KCNQ3: variants seen among roughly 807,000 people sequenced by gnomAD.
KCNQ3 encodes potassium voltage-gated channel subfamily KQT member 3.
Under a neutral mutation model 92.5 loss-of-function variants are expected in KCNQ3, and 30 were observed. The ratio of observed to expected loss-of-function variants is 0.32; its 90% CI spans 0.24 to 0.44. The LOEUF (loss-of-function observed/expected upper bound fraction) is 0.44. Ranked by LOEUF, KCNQ3 falls within the 20% of genes least tolerant of loss-of-function variation. The pLI is 1.00. For synonymous variants in KCNQ3, 450 were observed against 468.8 expected (o/e 0.96, Z 0.52); for missense variants, 913 against 1,140.3 (o/e 0.80, Z 2.87).
intron 1 of KCNQ3, among the ~76,000 whole-genome samples, chr8:132,191,250 G>T (rs1392432580): frequency 6.6e-6 from 1 of 152,110 alleles, no homozygotes; most frequent in Non-Finnish European, 1.5e-5. Flanking sequence ...GGGCTCAAGT[G>T]ATCCTCCCAT....
At chr8:132,471,926 A>T (rs1045394445) in intron 1 of KCNQ3, among the ~76,000 whole-genome samples, 2 of 152,138 alleles carry the variant, frequency 1.3e-5, no homozygotes, top group Non-Finnish European at 2.9e-5. Flanking sequence ...AAAAACAAAT[A>T]ATCCCATTAC....
chr8:132,433,159 G>A (rs1439832034), intron 1 of KCNQ3, among the ~76,000 whole-genome samples: 1 of 152,160 alleles, frequency 6.6e-6, no homozygotes, highest in East Asian at 1.9e-4. Flanking sequence ...TTTATTGTGA[G>A]TGTCTGGATT....
chr8:132,323,219 A>G (rs1817946022), intron 1 of KCNQ3, among the ~76,000 whole-genome samples: 1 of 152,178 alleles, frequency 6.6e-6, no homozygotes, highest in Non-Finnish European at 1.5e-5. Flanking sequence ...TGATCACTTA[A>G]AGATGAGCAG....
chr8:132,129,632 A>G lies in KCNQ3; in HGVS notation c.2249T>C (p.Ile750Thr). 1.9e-6 allele frequency: 3 copies of G among 1,614,152 alleles called. No homozygotes were observed. Among genetic ancestry groups the G allele is most frequent in the Non-Finnish European group, 2.5e-6 (3 of 1,180,030 alleles). ...TYVERPTVLP[I>T]LTLLDSRVSC... ...CACTCGGGAGTCGAGAAGAGTCAAG[A>G]TAGGCAGGACCGTGGGCCTCTCCAC... The change falls in exon 15 of 15, where the codon ATC becomes ACC. Residue 750 changes from isoleucine to threonine, a missense_variant. By Grantham distance (89) the Ile-to-Thr change is moderately conservative. Around this residue, in one of 6 missense-constraint regions of KCNQ3, gnomAD observed 375 missense variants for 376.4 expected, o/e 1.00. Coordinates refer to ENST00000388996, the MANE Select transcript of KCNQ3 (RefSeq NM_004519.4). This position sits in a 1 kb window ranked among gnomAD's most constrained non-coding sequence, Gnocchi z 5.9.
chr8:132,469,093 C>A (rs759305463), intron 1 of KCNQ3, among the ~76,000 whole-genome samples: 4 of 152,222 alleles, frequency 2.6e-5, no homozygotes, highest in Non-Finnish European at 5.9e-5. Context: ...CTTCAATTTT[C>A]TTATCTCCAA....
rs912343669 is a variant in KCNQ3, at chr8:132,127,126, C to G, written c.*2136G>C. 7 of 152,208 alleles carry G rather than the reference C, an allele frequency of 4.6e-5. No individual in the cohort carries two copies. The highest frequency in any genetic ancestry group is 1.7e-4 in the African/African-American group (7 of 41,446). The allele number at this position is 152,208 out of a possible 1,614,324, so 9.4% of individuals were successfully genotyped here. A position where few individuals can be genotyped will look rare whatever the true frequency, so the allele number is the denominator to read the frequency against. ...TTTCTTAGGTTGTAATCCCCACTGG[C>G]ACTTTCAGCCATATTGAAGGAGTGG... On this transcript the variant is annotated 3_prime_UTR_variant, in exon 15 of 15. Transcript: ENST00000388996.
At chr8:132,251,353 G>A (rs1332588627) in intron 1 of KCNQ3, among the ~76,000 whole-genome samples, 1 of 152,198 alleles carries the variant, frequency 6.6e-6, no homozygotes, top group Non-Finnish European at 1.5e-5. Context: ...ATGAAGGTCT[G>A]GATCAGGAAA....
chr8:132,157,185 G>A (rs1825822934), intron 9 of KCNQ3, among the ~76,000 whole-genome samples: 1 of 152,176 alleles, frequency 6.6e-6, no homozygotes, highest in Non-Finnish European at 1.5e-5. Flanking sequence ...TGTACTTAGT[G>A]GAAAGTTCTA....
chr8:132,280,324 C>T (rs866984740), intron 1 of KCNQ3, among the ~76,000 whole-genome samples: 2 of 152,196 alleles, frequency 1.3e-5, no homozygotes, highest in Non-Finnish European at 2.9e-5. Context: ...GTTCTGCAAG[C>T]TGTACAAGCA....
intron 1 of KCNQ3, among the ~76,000 whole-genome samples, chr8:132,375,129 C>A (rs927726200): frequency 6.6e-6 from 1 of 151,976 alleles, no homozygotes; most frequent in Admixed American, 6.6e-5. Flanking sequence ...TTTTTTCAAA[C>A]TTAAATTTTA....
chr8:132,421,299 A>G (rs1322215066), intron 1 of KCNQ3, among the ~76,000 whole-genome samples: 2 of 152,230 alleles, frequency 1.3e-5, no homozygotes, highest in Non-Finnish European at 2.9e-5. Flanking sequence ...GGGCCCAAGA[A>G]AACGTCTAGG....
At chr8:132,452,320 C>G (rs1383089933) in intron 1 of KCNQ3, among the ~76,000 whole-genome samples, 1 of 152,212 alleles carries the variant, frequency 6.6e-6, no homozygotes, top group Non-Finnish European at 1.5e-5. Context: ...CTCTAGGTGC[C>G]TCTTTTAAGT....
chr8:132,324,896 A>G (rs770962026), intron 1 of KCNQ3, among the ~76,000 whole-genome samples: 9 of 151,884 alleles, frequency 5.9e-5, no homozygotes, highest in Non-Finnish European at 1.2e-4. Flanking sequence ...ACTGAGTTCT[A>G]CTTGTTATTT....
chr8:132,218,940 T>C (rs1157523621), intron 1 of KCNQ3, among the ~76,000 whole-genome samples: 1 of 152,100 alleles, frequency 6.6e-6, no homozygotes, highest in Non-Finnish European at 1.5e-5. Context: ...TTTGTTACTG[T>C]TTTTCACTAT....
intron 1 of KCNQ3, among the ~76,000 whole-genome samples, chr8:132,208,950 G>A (rs918478629): frequency 4.6e-5 from 7 of 152,138 alleles, no homozygotes; most frequent in Non-Finnish European, 1.0e-4. Flanking sequence ...GGGTCTGGGA[G>A]GGGGAAGCAG....
chr8:132,369,710 C>T (rs1056236429), intron 1 of KCNQ3, among the ~76,000 whole-genome samples: 1 of 152,090 alleles, frequency 6.6e-6, no homozygotes, highest in African/African-American at 2.4e-5. Context: ...CATGAGCACT[C>T]AGCAAATGGT....
At chr8:132,385,628 C>T (rs1460989882) in intron 1 of KCNQ3, among the ~76,000 whole-genome samples, 1 of 152,182 alleles carries the variant, frequency 6.6e-6, no homozygotes, top group Non-Finnish European at 1.5e-5. Flanking sequence ...CCCTTCCTCT[C>T]TTCCTTCCAC....
chr8:132,128,547 T>TGTG lies in KCNQ3; in HGVS notation c.*714_*715insCAC, dbSNP rs1824746004. On this transcript the variant is annotated 3_prime_UTR_variant, in exon 15 of 15. Coordinates refer to ENST00000388996, the MANE Select transcript of KCNQ3 (RefSeq NM_004519.4). The stretch of plus-strand genomic sequence containing the variant: ...TGTGTGTGTGTGTGTGTGTGTGTGT[T>TGTG]TTCTCCCTGCCAATTCATAACTCAT... 8.7e-6 allele frequency: 1 copy of TGTG among 115,354 alleles called. No homozygotes were observed. The highest frequency in any genetic ancestry group is 8.9e-5 in the Admixed American group (1 of 11,190). The allele number at this position is 115,354 out of a possible 1,614,324, so 7.1% of individuals were successfully genotyped here.
At chr8:132,178,663 C>G (rs906361591) in intron 4 of KCNQ3, among the ~76,000 whole-genome samples, 1 of 151,984 alleles carries the variant, frequency 6.6e-6, no homozygotes, top group Non-Finnish European at 1.5e-5. Flanking sequence ...ATATTCTACT[C>G]CGAGATGCAA....
Sources: allele counts gnomAD v4.1 joint callset (sites outside exome capture counted in the v4.1 genomes callset), GRCh38; gene constraint gnomAD v4.1.1; regional missense constraint gnomAD v4.1.1; non-coding constraint Gnocchi (gnomAD v3.1); transcripts MANE v1.5; gene names NCBI Gene and HGNC (gene_info 2026-07-23, HGNC 2026-07-21).